FAM13C: variants seen among roughly 807,000 people sequenced by gnomAD.
FAM13C encodes protein FAM13C.
A neutral mutation model predicts 73.2 loss-of-function variants in FAM13C; 37 were observed. The ratio of observed to expected loss-of-function variants is 0.51; its 90% confidence interval spans 0.39 to 0.67. The LOEUF is 0.67. FAM13C is among the 30% of genes least tolerant of loss of function. FAM13C has a pLI of 0.00. For missense variants in FAM13C, 589 were observed against 715.6 expected (o/e 0.82, Z 2.02); for synonymous variants, 246 against 260.9 (o/e 0.94, Z 0.55).
At position 59,283,412 on chromosome 10, in the gene FAM13C, C is replaced by A. The variant is rs140590152; in HGVS notation, c.543G>T (p.Pro181=). ...GCACGCTCTGGGTTGATGCTGGCGC[C>A]GGGTCCTTGACTCCATGCACCTGAG... is the stretch of plus-strand genomic sequence containing the variant. The part of the protein sequence containing the change: ...EAAQVHGVKD[P]APASTQSVLA... The change falls in exon 6 of 14, where the codon CCG becomes CCT. Residue 181 remains proline, a synonymous_variant. Transcript: ENST00000618804. 5 of 1,614,090 alleles carry A rather than the reference C, an allele frequency of 3.1e-6. No homozygotes were observed. The African/African-American group carries it at 4.0e-5, about 13-fold the overall frequency.
chr10:59,332,180 T>C (rs142037581), intron 3 of FAM13C, among the ~76,000 whole-genome samples: 5 of 152,270 alleles, frequency 3.3e-5, no homozygotes, highest in Admixed American at 1.3e-4. Context: ...CAAAATAATG[T>C]ATATATAGTA....
intron 4 of FAM13C, among the ~76,000 whole-genome samples, chr10:59,308,259 T>C (rs911043813): frequency 6.6e-6 from 1 of 152,104 alleles, no homozygotes; most frequent in African/African-American, 2.4e-5. Flanking sequence ...CAGAGCCCAA[T>C]TATGGCCCTC....
intron 6 of FAM13C, among the ~76,000 whole-genome samples, chr10:59,271,488 G>A (rs1843713161): frequency 6.6e-6 from 1 of 152,198 alleles, no homozygotes; most frequent in African/African-American, 2.4e-5. Context: ...GGTGGCTGAG[G>A]CTAGTCAGAA....
At chr10:59,286,132 C>T (rs1467716217) in intron 5 of FAM13C, among the ~76,000 whole-genome samples, 4 of 152,176 alleles carry the variant, frequency 2.6e-5, no homozygotes, top group Admixed American at 2.6e-4. Context: ...CATGTATAAA[C>T]TTTGAGGACA....
At chr10:59,308,096 CAAT>C (rs1408945019) in intron 4 of FAM13C, among the ~76,000 whole-genome samples, 1 of 152,194 alleles carries the variant, frequency 6.6e-6, no homozygotes, top group East Asian at 1.9e-4. Flanking sequence ...GTGTCCAAAA[CAAT>C]AATAGGAAAG....
intron 4 of FAM13C, among the ~76,000 whole-genome samples, chr10:59,319,034 T>A (rs1369361056): frequency 1.3e-5 from 2 of 151,608 alleles, no homozygotes; most frequent in African/African-American, 4.8e-5. Context: ...TGCTTACGTC[T>A]ATGAAAAACA....
chr10:59,340,067 C>T (rs1184947675), intron 3 of FAM13C, among the ~76,000 whole-genome samples: 1 of 152,148 alleles, frequency 6.6e-6, no homozygotes, highest in African/African-American at 2.4e-5. Context: ...TCTTAGTCAA[C>T]AACAAAATGT....
intron 5 of FAM13C, among the ~76,000 whole-genome samples, chr10:59,288,130 C>G (rs1266900904): frequency 6.6e-6 from 1 of 152,214 alleles, no homozygotes; most frequent in African/African-American, 2.4e-5. Flanking sequence ...CACAGGAGTT[C>G]ACATTCAGAG....
Position 59,302,803 on chromosome 10 carries a change from C to A in FAM13C, c.505G>T (p.Glu169Ter), listed in dbSNP as rs776368500. 6.2e-7 allele frequency: 1 copy of A among 1,613,968 alleles called. No homozygotes were observed. Among genetic ancestry groups the A allele is most frequent in the Admixed American group, 1.7e-5 (1 of 60,030 alleles). ...DAFETRQDLN[E>*]EEAAQVHGVK... is the part of the protein sequence containing the mutation. ...TAACCAGTAATGATTGCACGTACCT[C>A]ATTTAAGTCCTGCCGAGTTTCAAAA... Residue 169 changes from glutamate to a stop codon, truncating the protein, a stop_gained and splice_region_variant, in exon 5 of 14, where the codon GAG becomes TAG. Transcript: ENST00000618804. LOFTEE classifies it high-confidence loss of function.
intron 1 of FAM13C, chr10:59,361,205 C>T (rs1033097645): frequency 3.5e-5 from 28 of 810,714 alleles, no homozygotes; most frequent in Non-Finnish European, 4.3e-5. Flanking sequence ...CTTCTAAAGT[C>T]AATCCTGTTT....
intron 4 of FAM13C, among the ~76,000 whole-genome samples, chr10:59,305,437 G>A (rs1254862066): frequency 6.6e-6 from 1 of 152,100 alleles, no homozygotes; most frequent in Non-Finnish European, 1.5e-5. Flanking sequence ...TAAGAGATTT[G>A]TCAGTGTTAA....
At chr10:59,286,600 T>C (rs967310972) in intron 5 of FAM13C, among the ~76,000 whole-genome samples, 5 of 145,776 alleles carry the variant, frequency 3.4e-5, no homozygotes, top group South Asian at 2.3e-4. Context: ...GGGTGGGACA[T>C]AGGGAGGAGA....
At chr10:59,259,404 G>A (rs1000489807) in intron 10 of FAM13C, among the ~76,000 whole-genome samples, 33 of 152,110 alleles carry the variant, frequency 2.2e-4, no homozygotes, top group African/African-American at 4.6e-4. Flanking sequence ...TTAAAGAAAC[G>A]GGACCTAATG....
intron 3 of FAM13C, among the ~76,000 whole-genome samples, chr10:59,348,984 A>G (rs1447752168): frequency 6.6e-6 from 1 of 152,198 alleles, no homozygotes; most frequent in Non-Finnish European, 1.5e-5. Flanking sequence ...TGTAAAAACT[A>G]TATTCATTCA....
At chr10:59,317,837 G>A (rs284625) in intron 4 of FAM13C, among the ~76,000 whole-genome samples, 61,353 of 151,452 alleles carry the variant, frequency 0.41, 12,712 homozygotes, top group African/African-American at 0.5. Context: ...CTGGTGTGCT[G>A]CACCCATTAA....
intron 5 of FAM13C, among the ~76,000 whole-genome samples, chr10:59,293,057 T>A (rs1846452513): frequency 8.2e-6 from 1 of 121,256 alleles, no homozygotes; most frequent in Admixed American, 1.0e-4. Context: ...GAGATCAACA[T>A]TTTTTCTTTT....
chr10:59,325,381 G>T (rs1850954045), intron 3 of FAM13C, among the ~76,000 whole-genome samples: 1 of 152,136 alleles, frequency 6.6e-6, no homozygotes, highest in Non-Finnish European at 1.5e-5. Flanking sequence ...GGTAAAATGG[G>T]AACAGCTGGG....
At chr10:59,257,574 A>C (rs1345209072) in intron 10 of FAM13C, among the ~76,000 whole-genome samples, 1 of 152,244 alleles carries the variant, frequency 6.6e-6, no homozygotes, top group Non-Finnish European at 1.5e-5. Context: ...AATGGAAAAC[A>C]TGCTTCTTAG....
At chr10:59,332,984 CTTAT>C (rs776356047) in intron 3 of FAM13C, among the ~76,000 whole-genome samples, 53 of 115,318 alleles carry the variant, frequency 4.6e-4, no homozygotes, top group Non-Finnish European at 6.5e-4. Context: ...ATTGTTGTCA[CTTAT>C]TTATTTATTT....
Sources: allele counts gnomAD v4.1 joint callset (sites outside exome capture counted in the v4.1 genomes callset), GRCh38; gene constraint gnomAD v4.1.1; transcripts MANE v1.5; gene names NCBI Gene and HGNC (gene_info 2026-07-23, HGNC 2026-07-21).